The following DLG2 variants were observed in gnomAD, a reference collection of about 807,000 sequenced individuals.
DLG2 encodes the protein disks large homolog 2.
DLG2 carries 45 observed loss-of-function variants against 132.5 expected under a neutral mutation model. The observed-to-expected ratio is 0.34, with a 90% CI of 0.27 to 0.44. The LOEUF is 0.44. Ranked by LOEUF, DLG2 falls within the 20% of genes least tolerant of loss-of-function variation. DLG2 has a pLI of 1.00. For synonymous variants in DLG2, 424 were observed against 419.6 expected, an observed-to-expected ratio of 1.01 and a Z score of -0.13; for missense variants, 1,045 against 1,196.9, an observed-to-expected ratio of 0.87 and a Z score of 1.87.
chr11:85,385,819 T>C (rs1231141988), intron 3 of DLG2, among the ~76,000 whole-genome samples: 1 of 152,186 alleles, frequency 6.6e-6, no homozygotes, highest in Non-Finnish European at 1.5e-5. Context: ...ACTGAACTTT[T>C]CAAGATGATC....
chr11:84,178,786 T>C (rs955472655), intron 8 of DLG2, among the ~76,000 whole-genome samples: 5 of 151,524 alleles, frequency 3.3e-5, no homozygotes. Context: ...TCAGTAGCTA[T>C]ATACTGCAGG....
intron 6 of DLG2, among the ~76,000 whole-genome samples, chr11:84,871,567 T>C (rs1020995704): frequency 6.6e-5 from 10 of 152,084 alleles, no homozygotes; most frequent in Admixed American, 1.3e-4. Context: ...GACTCTTAAG[T>C]AGACATTAAA....
chr11:85,451,871 T>C (rs1344163668), intron 3 of DLG2, among the ~76,000 whole-genome samples: 1 of 152,194 alleles, frequency 6.6e-6, no homozygotes, highest in African/African-American at 2.4e-5. Flanking sequence ...TGTTTATTTT[T>C]ATATTGCTCT....
chr11:83,773,060 AG>A (rs1166602623), intron 18 of DLG2, among the ~76,000 whole-genome samples: 1 of 152,250 alleles, frequency 6.6e-6, no homozygotes, highest in African/African-American at 2.4e-5. Flanking sequence ...AAATATGATT[AG>A]CAAACTTATG....
intron 3 of DLG2, among the ~76,000 whole-genome samples, chr11:85,533,788 G>A (rs774991877): frequency 5.3e-5 from 8 of 152,120 alleles, no homozygotes; most frequent in South Asian, 2.1e-4. Context: ...TCAGCGCTAC[G>A]CCTGAGAGAA....
At chr11:84,213,287 G>C (rs2096781902) in intron 8 of DLG2, among the ~76,000 whole-genome samples, 1 of 152,164 alleles carries the variant, frequency 6.6e-6, no homozygotes, top group South Asian at 2.1e-4. Flanking sequence ...TTAGTTATCT[G>C]TGTATGAGCC....
At chr11:84,676,556 C>T (rs1157265378) in intron 6 of DLG2, among the ~76,000 whole-genome samples, 1 of 152,018 alleles carries the variant, frequency 6.6e-6, no homozygotes. Context: ...ATGGTAACAA[C>T]ATTTAAAGTG....
intron 6 of DLG2, among the ~76,000 whole-genome samples, chr11:84,932,333 C>T (rs1028277564): frequency 8.5e-5 from 13 of 152,172 alleles, no homozygotes; most frequent in Non-Finnish European, 1.9e-4. Flanking sequence ...CAATTTTCTG[C>T]ATATAACTAG....
chr11:84,119,320 T>C (rs142510536), intron 9 of DLG2, among the ~76,000 whole-genome samples: 4 of 152,024 alleles, frequency 2.6e-5, no homozygotes, highest in Non-Finnish European at 5.9e-5. Context: ...TGAGGACATA[T>C]TGCTCTCATC....
At chr11:84,906,278 A>T (rs1386901581) in intron 6 of DLG2, among the ~76,000 whole-genome samples, 1 of 149,674 alleles carries the variant, frequency 6.7e-6, no homozygotes, top group African/African-American at 2.5e-5. Context: ...TTAACTTTTA[A>T]CATACACCAA....
intron 20 of DLG2, among the ~76,000 whole-genome samples, chr11:83,540,190 A>G (rs192914495): frequency 1.3e-5 from 2 of 152,308 alleles, no homozygotes; most frequent in Non-Finnish European, 2.9e-5. Context: ...AGACAGCTCA[A>G]AATAATTAAA....
At chr11:84,771,870 C>G (rs551118346) in intron 6 of DLG2, among the ~76,000 whole-genome samples, 1 of 151,914 alleles carries the variant, frequency 6.6e-6, no homozygotes, top group Admixed American at 6.6e-5. Context: ...AAAAAAAGAC[C>G]CATCAGGATA....
intron 7 of DLG2, among the ~76,000 whole-genome samples, chr11:84,406,963 T>C (rs1291280417): frequency 6.6e-6 from 1 of 152,080 alleles, no homozygotes; most frequent in Non-Finnish European, 1.5e-5. Flanking sequence ...ATAGGAGAAA[T>C]CATTGCTTCC....
chr11:84,841,876 A>C (rs1343868074), intron 6 of DLG2, among the ~76,000 whole-genome samples: 1 of 151,964 alleles, frequency 6.6e-6, no homozygotes, highest in African/African-American at 2.4e-5. Flanking sequence ...ACAGGTTTCT[A>C]AATTTTTATT....
chr11:84,477,753 T>C (rs1411187107), intron 7 of DLG2, among the ~76,000 whole-genome samples: 1 of 152,198 alleles, frequency 6.6e-6, no homozygotes, highest in Non-Finnish European at 1.5e-5. Flanking sequence ...TGGGAGAATA[T>C]GAACATTGTC....
At chr11:85,242,658 C>A (rs2075945616) in intron 4 of DLG2, among the ~76,000 whole-genome samples, 1 of 151,282 alleles carries the variant, frequency 6.6e-6, no homozygotes, top group South Asian at 2.1e-4. Flanking sequence ...CTGTTATGTT[C>A]TTTATTTAAA....
At chr11:83,516,298 T>C (rs975261079) in intron 21 of DLG2, among the ~76,000 whole-genome samples, 19 of 152,326 alleles carry the variant, frequency 1.2e-4, no homozygotes, top group Non-Finnish European at 2.2e-4. Context: ...TTTGTCTGTT[T>C]TGATCTTTGT....
At chr11:83,705,677 TTAAA>T (rs1457859780) in intron 18 of DLG2, among the ~76,000 whole-genome samples, 8 of 152,194 alleles carry the variant, frequency 5.3e-5, no homozygotes, top group African/African-American at 1.2e-4. Flanking sequence ...CCTATATCAA[TTAAA>T]TAAAGTAGAA....
At chr11:84,237,950 G>T (rs2097179110) in intron 8 of DLG2, among the ~76,000 whole-genome samples, 1 of 145,856 alleles carries the variant, frequency 6.9e-6, no homozygotes, top group South Asian at 2.2e-4. Context: ...GCTGAGGCAA[G>T]AGAATCGCTT....
Sources: allele counts gnomAD v4.1 joint callset (sites outside exome capture counted in the v4.1 genomes callset), GRCh38; gene constraint gnomAD v4.1.1; transcripts MANE v1.5; gene names NCBI Gene and HGNC (gene_info 2026-07-23, HGNC 2026-07-21).